FER1L6: variants seen among roughly 807,000 people sequenced by gnomAD.
FER1L6 encodes fer-1-like protein 6.
Under a neutral mutation model 219.2 loss-of-function variants are expected in FER1L6, and 177 were observed. The observed-to-expected ratio is 0.81, with a 90% CI of 0.71 to 0.91. The LOEUF is 0.91. Ranked by LOEUF, FER1L6 falls within the 40% of genes least tolerant of loss-of-function variation. The pLI is 0.00. For missense variants in FER1L6, 2,153 were observed against 2,259.9 expected (o/e 0.95, Z 0.96); for synonymous variants, 768 against 824.3 (o/e 0.93, Z 1.17).
chr8:124,090,980 G>A (rs1170783600), intron 33 of FER1L6, among the ~76,000 whole-genome samples: 2 of 152,118 alleles, frequency 1.3e-5, no homozygotes, highest in African/African-American at 4.8e-5. Context: ...GAGACAGAAA[G>A]GAGATTGGTG....
intron 1 of FER1L6, among the ~76,000 whole-genome samples, chr8:123,893,707 G>C (rs1246680050): frequency 6.6e-6 from 1 of 152,168 alleles, no homozygotes; most frequent in African/African-American, 2.4e-5. Context: ...AAATGGCCTT[G>C]TGAGAGGTTC....
Position 123,963,378 on chromosome 8 carries a change from C to A in FER1L6, c.177C>A (p.Pro59=), listed in dbSNP as rs1302006236. The part of the protein sequence containing the change: ...VHDDASIFPV[P]SASPKRRSKL... The stretch of plus-strand genomic sequence containing the variant: ...ATGATGCTTCTATCTTTCCTGTCCC[C>A]TCAGCTTCTCCAAAGAGAAGGTACA... The change falls in exon 3 of 41, where the codon CCC becomes CCA. Residue 59 remains proline, a synonymous_variant. Coordinates refer to ENST00000522917, the MANE Select transcript of FER1L6 (RefSeq NM_001039112.2). 6.2e-7 allele frequency: 1 copy of A among 1,614,112 alleles called. No homozygotes were observed. Among genetic ancestry groups the A allele is most frequent in the East Asian group, 2.2e-5 (1 of 44,882 alleles).
intron 18 of FER1L6, among the ~76,000 whole-genome samples, chr8:124,024,596 C>T (rs1008528028): frequency 5.9e-5 from 9 of 152,048 alleles, no homozygotes; most frequent in Admixed American, 1.3e-4. Context: ...TTTCTTAATC[C>T]AGTCATCAGG....
chr8:123,955,528 G>A (rs947372124), intron 1 of FER1L6, among the ~76,000 whole-genome samples: 1 of 152,184 alleles, frequency 6.6e-6, no homozygotes, highest in Non-Finnish European at 1.5e-5. Flanking sequence ...TTGAAATCAG[G>A]CAGGCCTGGG....
intron 1 of FER1L6, among the ~76,000 whole-genome samples, chr8:123,923,644 C>G (rs1269414671): frequency 1.3e-5 from 2 of 152,022 alleles, no homozygotes; most frequent in African/African-American, 2.4e-5. Context: ...CTTAAGGAAC[C>G]CTTAACATAT....
intron 1 of FER1L6, among the ~76,000 whole-genome samples, chr8:123,932,267 C>A (rs1813801156): frequency 6.6e-6 from 1 of 152,070 alleles, no homozygotes; most frequent in Non-Finnish European, 1.5e-5. Context: ...CACCACCACA[C>A]CCAGCTAATT....
At chr8:123,998,679 G>A (rs1272852947) in intron 12 of FER1L6, among the ~76,000 whole-genome samples, 1 of 152,158 alleles carries the variant, frequency 6.6e-6, no homozygotes, top group Non-Finnish European at 1.5e-5. Context: ...GATGGGTCCA[G>A]AGATGTCATC....
At chr8:124,008,940 AAATGCACAAATGCAAATCAAGACCAC>A (rs2130547356) in intron 13 of FER1L6, among the ~76,000 whole-genome samples, 1 of 148,136 alleles carries the variant, frequency 6.8e-6, no homozygotes, top group East Asian at 2.1e-4. Context: ...CAAATGATCA[AAATGCACAAATGCAAATCAAGACCAC>A]AATGCTCAAA....
At chr8:123,945,503 T>C (rs756735210) in intron 1 of FER1L6, among the ~76,000 whole-genome samples, 3 of 152,356 alleles carry the variant, frequency 2.0e-5, no homozygotes, top group Non-Finnish European at 4.4e-5. Flanking sequence ...CATGGGTTGA[T>C]AGATGAGCCT....
rs1385963951 is a variant in FER1L6 at position 124,097,818 on chromosome 8, A to C, written c.4818A>C (p.Glu1606Asp). Reference protein sequence around the residue: ...YELRVTIWNTEDVILEDENIF... With the variant: ...YELRVTIWNTDDVILEDENIF... The stretch of plus-strand genomic sequence containing the variant: ...TGAGAGTGACCATCTGGAACACTGA[A>C]GATGTCATTTTAGAGGATGAGAATA... Residue 1606 changes from glutamate to aspartate, a missense_variant, in exon 37 of 41, where the codon GAA becomes GAC. Coordinates refer to ENST00000522917, the MANE Select transcript of FER1L6 (RefSeq NM_001039112.2). The C allele has an allele frequency of 6.2e-7, 1 of 1,606,044 alleles. No individual in the cohort carries two copies. Among genetic ancestry groups the C allele is most frequent in the Non-Finnish European group, 8.5e-7 (1 of 1,172,676 alleles).
intron 1 of FER1L6, among the ~76,000 whole-genome samples, chr8:123,865,759 A>G (rs1816825475): frequency 6.6e-6 from 1 of 151,090 alleles, no homozygotes; most frequent in African/African-American, 2.5e-5. Flanking sequence ...TGCGTCCGTC[A>G]CCCCTTTCTT....
At chr8:123,960,691 C>T (rs1815231021) in intron 2 of FER1L6, among the ~76,000 whole-genome samples, 1 of 151,994 alleles carries the variant, frequency 6.6e-6, no homozygotes, top group Non-Finnish European at 1.5e-5. Context: ...TCTCTGCCTC[C>T]ATGGTCACAT....
chr8:123,994,472 C>T (rs958631123), intron 12 of FER1L6, among the ~76,000 whole-genome samples: 2 of 152,028 alleles, frequency 1.3e-5, no homozygotes, highest in Non-Finnish European at 2.9e-5. Context: ...GCAGTAAGCC[C>T]CACCCAGCTC....
At chr8:123,894,727 G>A (rs1029799486) in intron 1 of FER1L6, among the ~76,000 whole-genome samples, 2 of 152,118 alleles carry the variant, frequency 1.3e-5, no homozygotes, top group African/African-American at 4.8e-5. Flanking sequence ...GGTAGGGAAA[G>A]TACAAGATGA....
intron 1 of FER1L6, among the ~76,000 whole-genome samples, chr8:123,914,234 A>G (rs999489918): frequency 6.6e-6 from 1 of 152,210 alleles, no homozygotes; most frequent in African/African-American, 2.4e-5. Context: ...TCCCTGTTCT[A>G]GGAGAACTGG....
intron 24 of FER1L6, among the ~76,000 whole-genome samples, chr8:124,061,195 T>C (rs1586653927): frequency 6.6e-6 from 1 of 152,166 alleles, no homozygotes; most frequent in East Asian, 1.9e-4. Flanking sequence ...ATGTCAGGAG[T>C]TTACATGTGA....
intron 1 of FER1L6, among the ~76,000 whole-genome samples, chr8:123,858,767 C>G (rs982376609): frequency 7.2e-5 from 11 of 152,108 alleles, no homozygotes; most frequent in African/African-American, 2.7e-4. Flanking sequence ...TCTCTGGCAC[C>G]AAAGCTTTCA....
At chr8:124,107,517 T>C (rs906569611) in intron 39 of FER1L6, among the ~76,000 whole-genome samples, 4 of 152,170 alleles carry the variant, frequency 2.6e-5, no homozygotes, top group Non-Finnish European at 4.4e-5. Context: ...TTAAGATCCG[T>C]AGAAGCATTT....
intron 13 of FER1L6, 121 bp downstream of exon 13, chr8:124,003,468 T>C (rs1002730319): frequency 2.9e-4 from 211 of 733,102 alleles, no homozygotes; most frequent in Non-Finnish European, 4.2e-4. Flanking sequence ...TTTTTTTTTT[T>C]TTTTTTTTTT....
Sources: allele counts gnomAD v4.1 joint callset (sites outside exome capture counted in the v4.1 genomes callset), GRCh38; gene constraint gnomAD v4.1.1; transcripts MANE v1.5; gene names NCBI Gene and HGNC (gene_info 2026-07-23, HGNC 2026-07-21).